Variants in METTL9 observed in about 807,000 individuals in gnomAD.
METTL9 encodes the protein protein-L-histidine N-pros-methyltransferase.
In METTL9, 10 loss-of-function variants were observed where a neutral mutation model predicts 36.0. The ratio of observed to expected loss-of-function variants is 0.28; its 90% CI spans 0.17 to 0.47. METTL9 has a LOEUF of 0.47. METTL9 is among the 20% of genes least tolerant of loss of function. The pLI, the probability that METTL9 is intolerant of heterozygous loss-of-function variation, is 0.99. For missense variants in METTL9, 246 were observed against 383.5 expected (o/e 0.64, Z 3.00); for synonymous variants, 175 against 149.7 (o/e 1.17, Z -1.23).
chr16:21,625,198 A>G, intron 4 of METTL9, 83 bp downstream of exon 4: 1 of 1,432,030 alleles, frequency 7.0e-7, no homozygotes, highest in South Asian at 1.2e-5. Context: ...ACAATTAAAT[A>G]TTGTCTAGTA....
At chr16:21,601,842 G>A (rs1965139380) in intron 1 of METTL9, among the ~76,000 whole-genome samples, 2 of 151,478 alleles carry the variant, frequency 1.3e-5, no homozygotes, top group East Asian at 1.9e-4. Flanking sequence ...TTGGGGGATG[G>A]GTCAACTCTT....
rs1965066393 is a variant in METTL9 at position 21,599,948 on chromosome 16, C to T, written c.165+50C>T. 5 of 1,273,524 alleles carry T rather than the reference C, an allele frequency of 3.9e-6. No homozygotes were observed. The highest frequency in any genetic ancestry group is 3.9e-6 in the Non-Finnish European group (4 of 1,012,840). The allele number at this position is 1,273,524 out of a possible 1,614,324, so 78.9% of individuals were successfully genotyped here. On this transcript the variant is annotated intron_variant, in intron 1 of 4. Coordinates refer to ENST00000358154, the MANE Select transcript of METTL9 (RefSeq NM_016025.5). This position sits in a 1 kb window ranked among gnomAD's most constrained non-coding sequence, Gnocchi z 4.4. ...GCGGGGGCGTGGCGGCCCGGCCTTC[C>T]CGCGCTGGGCCCGGCTATTGTGCGG...
At chr16:21,605,124 C>T (rs1274345174) in intron 1 of METTL9, among the ~76,000 whole-genome samples, 1 of 151,994 alleles carries the variant, frequency 6.6e-6, no homozygotes, top group African/African-American at 2.4e-5. Context: ...CTCACCAGCA[C>T]AGAGTTAATG....
intron 4 of METTL9, among the ~76,000 whole-genome samples, chr16:21,633,882 G>A (rs762084998): frequency 3.9e-5 from 6 of 152,118 alleles, no homozygotes; most frequent in African/African-American, 1.4e-4. Context: ...TTTGGACTGG[G>A]CGGGCATTTT....
At chr16:21,633,080 C>T (rs891304518) in intron 4 of METTL9, among the ~76,000 whole-genome samples, 1 of 152,022 alleles carries the variant, frequency 6.6e-6, no homozygotes, top group African/African-American at 2.4e-5. Context: ...TCTGGGGATC[C>T]ATAGTCAGCA....
intron 4 of METTL9, among the ~76,000 whole-genome samples, chr16:21,645,356 G>C (rs1966394648): frequency 6.6e-6 from 1 of 152,158 alleles, no homozygotes; most frequent in Non-Finnish European, 1.5e-5. Flanking sequence ...AGGAGGTTGA[G>C]GCAGGAGAAT....
chr16:21,647,388 A>G, intron 4 of METTL9: 2 of 1,614,116 alleles, frequency 1.2e-6, no homozygotes, highest in Non-Finnish European at 1.7e-6. Context: ...TCAGAAGGGC[A>G]TCCGGTTGCG....
intron 3 of METTL9, among the ~76,000 whole-genome samples, chr16:21,623,644 T>C (rs539049744): frequency 3.3e-5 from 5 of 152,254 alleles, no homozygotes; most frequent in Non-Finnish European, 7.4e-5. Context: ...GGACTGAAAA[T>C]GTTCTCTGTG....
intron 4 of METTL9, chr16:21,653,877 C>T (rs1332130096): frequency 6.6e-6 from 1 of 152,190 alleles, no homozygotes; most frequent in Non-Finnish European, 1.5e-5. Flanking sequence ...TTGTGTCTCT[C>T]CCAGACTCTG....
chr16:21,598,486 G>A (rs1451334410), upstream of METTL9, among the ~76,000 whole-genome samples: 1 of 151,320 alleles, frequency 6.6e-6, no homozygotes, highest in African/African-American at 2.4e-5. Flanking sequence ...TACTTCTTTT[G>A]TTTTGAACTT....
At chr16:21,608,452 C>T (rs4783405) in intron 1 of METTL9, among the ~76,000 whole-genome samples, 14 of 152,158 alleles carry the variant, frequency 9.2e-5, no homozygotes, top group Admixed American at 8.5e-4. Flanking sequence ...TGTAAGTTCT[C>T]TGAGGCCAGC....
At chr16:21,649,786 G>A (rs1217802710) in intron 4 of METTL9, among the ~76,000 whole-genome samples, 1 of 152,138 alleles carries the variant, frequency 6.6e-6, no homozygotes, top group African/African-American at 2.4e-5. Context: ...CTAACTTACT[G>A]TAGCCTTTGT....
intron 1 of METTL9, among the ~76,000 whole-genome samples, chr16:21,602,899 T>C (rs1965174403): frequency 6.6e-6 from 1 of 152,130 alleles, no homozygotes; most frequent in African/African-American, 2.4e-5. Flanking sequence ...CCTCAAGTGA[T>C]CCTTCTTCCT....
upstream of METTL9, among the ~76,000 whole-genome samples, chr16:21,598,714 C>A (rs192471798): frequency 6.6e-6 from 1 of 152,090 alleles, no homozygotes; most frequent in Non-Finnish European, 1.5e-5. Context: ...AATAAATATC[C>A]GGGTTAAACA....
At chr16:21,619,839 T>C (rs186339264) in intron 3 of METTL9, among the ~76,000 whole-genome samples, 39 of 152,276 alleles carry the variant, frequency 2.6e-4, no homozygotes, top group African/African-American at 8.7e-4. Flanking sequence ...AGCCTTTCTC[T>C]GTGATATTTT....
upstream of METTL9, chr16:21,599,338 C>A: frequency 2.2e-6 from 2 of 929,626 alleles, no homozygotes; most frequent in Non-Finnish European, 2.6e-6. The surrounding 1 kb of genome is among the most constrained non-coding windows in gnomAD (Gnocchi z 4.4). Context: ...AAATTAAAAC[C>A]ACCTCCGCCA....
intron 4 of METTL9, among the ~76,000 whole-genome samples, chr16:21,651,327 C>T (rs1379860666): frequency 3.9e-5 from 6 of 152,020 alleles, no homozygotes; most frequent in Admixed American, 2.6e-4. Context: ...AAATGTCTTG[C>T]TCTGTTGCCC....
chr16:21,624,742 A>T (rs42747), intron 3 of METTL9, among the ~76,000 whole-genome samples, 189 bp from the exon 4 acceptor site: 103,931 of 147,886 alleles, frequency 0.7, 36,468 homozygotes, highest in African/African-American at 0.82. Flanking sequence ...AGAAAAAATT[A>T]AAAAAAAAAA....
intron 3 of METTL9, among the ~76,000 whole-genome samples, chr16:21,618,885 T>G (rs943726784): frequency 6.6e-6 from 1 of 152,056 alleles, no homozygotes; most frequent in Non-Finnish European, 1.5e-5. Context: ...GGCTAATTTT[T>G]TTGTAGTTTT....
Sources: gnomAD v4.1 joint callset for allele counts (sites outside exome capture counted in the v4.1 genomes callset) on GRCh38, gnomAD v4.1.1 for gene constraint, Gnocchi (gnomAD v3.1) non-coding constraint, MANE v1.5 for transcripts, NCBI Gene and HGNC (gene_info 2026-07-23, HGNC 2026-07-21) for gene names.